Variants in DCUN1D4 observed in about 807,000 individuals in gnomAD.
DCUN1D4 encodes the protein DCN1-like protein 4.
In DCUN1D4, 22 loss-of-function variants were observed where a neutral mutation model predicts 47.9. The ratio of observed to expected loss-of-function variants is 0.46; its 90% confidence interval spans 0.33 to 0.66. The LOEUF (loss-of-function observed/expected upper bound fraction) is 0.66, where lower values mean the gene tolerates loss of function less well. DCUN1D4 is among the 30% of genes least tolerant of loss of function. DCUN1D4 has a pLI of 0.02. For missense variants in DCUN1D4, 301 were observed against 340.8 expected (o/e 0.88, Z 0.92); for synonymous variants, 121 against 112.2 (o/e 1.08, Z -0.50).
intron 3 of DCUN1D4, among the ~76,000 whole-genome samples, chr4:51,864,778 A>G (rs1167451801): frequency 6.6e-6 from 1 of 152,208 alleles, no homozygotes; most frequent in South Asian, 2.1e-4. Flanking sequence ...AGCTTTCAGC[A>G]TGTAAATTTT....
chr4:51,868,364 A>C (rs1239676295), intron 3 of DCUN1D4, among the ~76,000 whole-genome samples: 1 of 152,328 alleles, frequency 6.6e-6, no homozygotes, highest in African/African-American at 2.4e-5. Flanking sequence ...ACCTCATGGC[A>C]GTGATTGCTC....
chr4:51,896,362 G>A lies in DCUN1D4; in HGVS notation c.507-2908G>A, dbSNP rs777741425. 3.3e-5 allele frequency among the ~76,000 whole-genome samples: 5 copies of A among 152,162 alleles called. No individual in the cohort carries two copies. The East Asian group carries it at 7.8e-4, about 24-fold the overall frequency. ...AACTTTATTTTCTTTTAACTATGGGGTAGTTATCTAAATGAGTGCTTCCTG... is the reference window on the plus strand; with the variant it reads ...AACTTTATTTTCTTTTAACTATGGGATAGTTATCTAAATGAGTGCTTCCTG... On this transcript the variant is annotated intron_variant, in intron 7 of 10. Coordinates refer to ENST00000334635, the MANE Select transcript of DCUN1D4 (RefSeq NM_001040402.3).
intron 6 of DCUN1D4, among the ~76,000 whole-genome samples, chr4:51,887,654 G>A (rs1345331022): frequency 6.6e-6 from 1 of 152,106 alleles, no homozygotes; most frequent in Non-Finnish European, 1.5e-5. Flanking sequence ...TTGTGATCTG[G>A]GAAGAGATCT....
intron 1 of DCUN1D4, among the ~76,000 whole-genome samples, chr4:51,848,023 A>C (rs1304962233): frequency 6.6e-6 from 1 of 152,212 alleles, no homozygotes; most frequent in African/African-American, 2.4e-5. Flanking sequence ...AATTGAACTT[A>C]AATGATCAAC....
chr4:51,872,495 C>A (rs1727051087), intron 3 of DCUN1D4, among the ~76,000 whole-genome samples: 1 of 152,206 alleles, frequency 6.6e-6, no homozygotes, highest in Non-Finnish European at 1.5e-5. Flanking sequence ...TGTGTGCCTT[C>A]ACTCCTTACC....
chr4:51,879,103 T>C (rs938186106), intron 5 of DCUN1D4, among the ~76,000 whole-genome samples: 1 of 152,198 alleles, frequency 6.6e-6, no homozygotes, highest in African/African-American at 2.4e-5. Context: ...TTCTTTGGAC[T>C]TTTATGAGCT....
the DCUN1D4 span, among the ~76,000 whole-genome samples, chr4:51,835,254 C>A: frequency 3.3e-5 from 5 of 152,204 alleles, no homozygotes; most frequent in Non-Finnish European, 7.3e-5. Context: ...CACTTACTAG[C>A]TGTGTGTCTT....
the DCUN1D4 span, among the ~76,000 whole-genome samples, chr4:51,834,114 CTT>C: frequency 1.6e-4 from 6 of 37,192 alleles, no homozygotes; most frequent in Non-Finnish European, 3.1e-4. Flanking sequence ...TTTTTTTTTT[CTT>C]TTTTTTTTTT....
upstream of DCUN1D4, chr4:51,843,134 T>C (rs1301955262): frequency 3.3e-6 from 5 of 1,494,652 alleles, no homozygotes; most frequent in Admixed American, 2.1e-5. Context: ...GGGCTGGGAG[T>C]GCCCGGCGGC....
chr4:51,884,916 T>C (rs12507876), intron 5 of DCUN1D4: 133,263 of 152,244 alleles, frequency 0.88, 58,536 homozygotes, highest in East Asian at 0.95. Context: ...AGAGTAATAC[T>C]GTGCTGGGTG....
intron 9 of DCUN1D4, among the ~76,000 whole-genome samples, chr4:51,912,823 A>G (rs968338505): frequency 3.3e-5 from 5 of 152,232 alleles, no homozygotes; most frequent in Non-Finnish European, 5.9e-5. Flanking sequence ...CTTTAAGCCG[A>G]AGGCTTGGCC....
rs768682596 is a variant in DCUN1D4 at position 51,877,847 on chromosome 4, A to G, written c.336A>G (p.Glu112=). ...SSKRCLEWFY[E]YAGTDDVVGP... ...AAAGGTGCTTGGAATGGTTCTATGA[A>G]TATGCAGGTAGGTATTCATTTGTAT... The change falls in exon 5 of 11, where the codon GAA becomes GAG. Residue 112 remains glutamate, a synonymous_variant. Transcript: ENST00000334635. 5.9e-5 allele frequency: 94 copies of G among 1,604,848 alleles called. 3 individuals are homozygous for G. In the South Asian group the frequency reaches 9.9e-4, roughly 17 times the overall value.
At chr4:51,899,519 A>C (rs1024231170) in intron 8 of DCUN1D4, 141 bp downstream of exon 8, 16 of 1,459,068 alleles carry the variant, frequency 1.1e-5, no homozygotes, top group Non-Finnish European at 1.4e-5. Context: ...ATTTCTTTCT[A>C]CATGTATGCT....
At chr4:51,864,229 C>A (rs892762694) in intron 3 of DCUN1D4, among the ~76,000 whole-genome samples, 1 of 152,128 alleles carries the variant, frequency 6.6e-6, no homozygotes, top group East Asian at 1.9e-4. Flanking sequence ...TTAGGTTCCA[C>A]CCCAGAGTTT....
chr4:51,836,899 T>C, the DCUN1D4 span, among the ~76,000 whole-genome samples: 9 of 152,256 alleles, frequency 5.9e-5, no homozygotes, highest in African/African-American at 1.9e-4. Context: ...CTGAGAGGGA[T>C]GTTAGAAAGA....
At chr4:51,898,073 G>T (rs567812538) in intron 7 of DCUN1D4, among the ~76,000 whole-genome samples, 6 of 152,330 alleles carry the variant, frequency 3.9e-5, no homozygotes, top group East Asian at 1.9e-4. Context: ...TGTCCTCCTT[G>T]TGAGGTCTTT....
In DCUN1D4 at chr4:51,858,884, CTGTA is replaced by C. The variant is rs558757603; in HGVS notation, c.26-4550_26-4547del. Among the ~76,000 whole-genome samples, 17 of 152,352 alleles carry C rather than the reference CTGTA, an allele frequency of 1.1e-4. No homozygotes were observed. In the South Asian group the frequency reaches 3.5e-3, roughly 32 times the overall value. The stretch of plus-strand genomic sequence containing the variant: ...TATGGCAGTGTAGTTGCAACAGAGA[CTGTA>C]TGGGCCAGAAATCCAGAAATATTTA... On this transcript the variant is annotated intron_variant, in intron 1 of 10. Transcript: ENST00000334635.
intron 5 of DCUN1D4, 50 bp downstream of exon 5, chr4:51,877,904 G>A: frequency 8.1e-7 from 1 of 1,234,584 alleles, no homozygotes; most frequent in Non-Finnish European, 1.2e-6. Context: ...ACAATAAGGA[G>A]TACCTTAGAG....
At chr4:51,860,692 T>C (rs1168624694) in intron 1 of DCUN1D4, 1 of 453,302 alleles carries the variant, frequency 2.2e-6, no homozygotes, top group African/African-American at 2.0e-5. Flanking sequence ...CACTTTTAAA[T>C]GACTGAACCC....
Sources: gnomAD v4.1 joint callset for allele counts (sites outside exome capture counted in the v4.1 genomes callset) on GRCh38, gnomAD v4.1.1 for gene constraint, MANE v1.5 for transcripts, NCBI Gene and HGNC (gene_info 2026-07-23, HGNC 2026-07-21) for gene names.